Variants in CIMIP6 observed in about 807,000 individuals in gnomAD.
CIMIP6 encodes the protein uncharacterized protein C2orf73.
the CIMIP6 span, among the ~76,000 whole-genome samples, chr2:54,338,198 C>A: frequency 1.3e-5 from 2 of 152,008 alleles, no homozygotes; most frequent in African/African-American, 4.8e-5. Flanking sequence ...CTTTGGAAGG[C>A]CAAGGCAGGA....
the CIMIP6 span, among the ~76,000 whole-genome samples, chr2:54,350,988 C>G: frequency 6.6e-6 from 1 of 152,132 alleles, no homozygotes; most frequent in East Asian, 1.9e-4. Context: ...CAAAGAGAGC[C>G]TTTCTATATA....
the CIMIP6 span, chr2:54,381,824 G>T: frequency 6.6e-7 from 1 of 1,516,246 alleles, no homozygotes; most frequent in Non-Finnish European, 8.8e-7. Flanking sequence ...TTTTTCAGTG[G>T]GTGTTCTTGT....
the CIMIP6 span, among the ~76,000 whole-genome samples, chr2:54,351,449 A>G: frequency 6.6e-6 from 1 of 152,228 alleles, no homozygotes; most frequent in East Asian, 1.9e-4. Context: ...CAGCCATAAA[A>G]AGGAATGAGA....
the CIMIP6 span, among the ~76,000 whole-genome samples, chr2:54,363,980 T>C: frequency 1.3e-5 from 2 of 152,156 alleles, no homozygotes; most frequent in African/African-American, 2.4e-5. Flanking sequence ...ACAGGCTAGG[T>C]TGGTTCTCAA....
the CIMIP6 span, among the ~76,000 whole-genome samples, chr2:54,333,266 A>T: frequency 6.6e-6 from 1 of 152,252 alleles, no homozygotes; most frequent in African/African-American, 2.4e-5. Flanking sequence ...AAATGAACAA[A>T]GTACTAAAAT....
At chr2:54,373,360 C>G in the CIMIP6 span, among the ~76,000 whole-genome samples, 1 of 151,968 alleles carries the variant, frequency 6.6e-6, no homozygotes, top group Non-Finnish European at 1.5e-5. Context: ...GCTGTAACTT[C>G]TTACTCTTTC....
chr2:54,340,508 C>A, the CIMIP6 span, among the ~76,000 whole-genome samples: 1 of 152,156 alleles, frequency 6.6e-6, no homozygotes, highest in Non-Finnish European at 1.5e-5. Context: ...AGGAACAAAC[C>A]AAACTTTTTA....
chr2:54,336,601 T>C, the CIMIP6 span, among the ~76,000 whole-genome samples: 3 of 151,972 alleles, frequency 2.0e-5, no homozygotes, highest in Admixed American at 1.3e-4. Context: ...GTGAATAAAG[T>C]AAATGGGGGA....
the CIMIP6 span, among the ~76,000 whole-genome samples, chr2:54,375,175 C>CA: frequency 6.6e-6 from 1 of 151,506 alleles, no homozygotes; most frequent in Non-Finnish European, 1.5e-5. Flanking sequence ...GTTGACATAG[C>CA]AAAAAATGTA....
the CIMIP6 span, among the ~76,000 whole-genome samples, chr2:54,384,073 T>C: frequency 6.6e-6 from 1 of 152,332 alleles, no homozygotes; most frequent in South Asian, 2.1e-4. Flanking sequence ...GGTATTCTGT[T>C]ATAGCAGCAC....
At chr2:54,343,893 A>T in the CIMIP6 span, 3 of 1,548,600 alleles carry the variant, frequency 1.9e-6, no homozygotes, top group Non-Finnish European at 2.6e-6. Context: ...TGCAGTGGTA[A>T]AAACCTTTTA....
the CIMIP6 span, chr2:54,359,078 A>G: frequency 7.0e-7 from 1 of 1,420,600 alleles, no homozygotes; most frequent in Non-Finnish European, 9.7e-7. Context: ...GGGAAAGGTG[A>G]GGCAGTATTT....
chr2:54,335,466 C>T, the CIMIP6 span, among the ~76,000 whole-genome samples: 3 of 152,174 alleles, frequency 2.0e-5, no homozygotes, highest in East Asian at 1.9e-4. Flanking sequence ...TCTATGAAGT[C>T]TTATTGGAAA....
At chr2:54,337,117 C>G in the CIMIP6 span, among the ~76,000 whole-genome samples, 2 of 152,194 alleles carry the variant, frequency 1.3e-5, no homozygotes, top group Non-Finnish European at 2.9e-5. Context: ...GACCACTGTG[C>G]CAGTGTCAGC....
chr2:54,375,948 A>T, the CIMIP6 span, among the ~76,000 whole-genome samples: 2 of 152,104 alleles, frequency 1.3e-5, no homozygotes, highest in Admixed American at 1.3e-4. Context: ...CTATCCCTGG[A>T]AAGTAGAGAT....
chr2:54,355,607 C>T, the CIMIP6 span, among the ~76,000 whole-genome samples: 5 of 152,050 alleles, frequency 3.3e-5, no homozygotes, highest in African/African-American at 1.2e-4. Context: ...ATACTTCCAC[C>T]TTCCATGTCT....
the CIMIP6 span, among the ~76,000 whole-genome samples, chr2:54,377,978 A>G: frequency 6.6e-6 from 1 of 152,254 alleles, no homozygotes; most frequent in African/African-American, 2.4e-5. Context: ...AGCCCAGAAC[A>G]GGAGCTTAGT....
the CIMIP6 span, among the ~76,000 whole-genome samples, chr2:54,380,946 C>T: frequency 0.023 from 3,438 of 152,202 alleles, 123 homozygotes; most frequent in African/African-American, 0.079. Flanking sequence ...TTAAGAATGC[C>T]GAAACGCCTT....
chr2:54,352,243 T>G, the CIMIP6 span, among the ~76,000 whole-genome samples: 1 of 152,190 alleles, frequency 6.6e-6, no homozygotes, highest in Non-Finnish European at 1.5e-5. Flanking sequence ...TTTACTTTAG[T>G]AGTGTGTAAA....
Sources: gnomAD v4.1 joint callset for allele counts (sites outside exome capture counted in the v4.1 genomes callset) on GRCh38, gnomAD v4.1.1 for gene constraint, MANE v1.5 for transcripts, NCBI Gene and HGNC (gene_info 2026-07-23, HGNC 2026-07-21) for gene names.